POP1: variants seen among roughly 807,000 people sequenced by gnomAD.
POP1 encodes the protein ribonucleases P/MRP protein subunit POP1.
In POP1, 75 loss-of-function variants were observed where a neutral mutation model predicts 102.2. That is an observed-to-expected ratio of 0.73 (90% confidence interval 0.61 to 0.89). The LOEUF is 0.89. POP1 is among the 40% of genes least tolerant of loss of function. The probability of loss-of-function intolerance (pLI) is 0.00; values close to 1 mark genes in which losing one functional copy is unlikely to be tolerated. For synonymous variants in POP1, 436 were observed against 464.1 expected, an observed-to-expected ratio of 0.94 and a Z score of 0.78; for missense variants, 1,116 against 1,267.4, an observed-to-expected ratio of 0.88 and a Z score of 1.81.
At position 98,130,256 on chromosome 8, in the gene POP1, A is replaced by G. The variant is rs377151487; in HGVS notation, c.735+30A>G. 2.7e-4 allele frequency: 441 copies of G among 1,613,434 alleles called. 1 individual carries two copies. The highest frequency in any genetic ancestry group is 2.8e-4 in the Admixed American group (17 of 59,960). On this transcript the variant is annotated intron_variant, in intron 5 of 15. Coordinates refer to ENST00000401707, the MANE Select transcript of POP1 (RefSeq NM_001145860.2). ...GCTTTTCCAGTGGGCTTTTTTTGTT[A>G]TTTTTGTTTGATCCTTTTCCATAGA...
chr8:98,133,574 G>C (rs73701265), intron 5 of POP1, among the ~76,000 whole-genome samples: 11,068 of 152,194 alleles, frequency 0.073, 620 homozygotes, highest in Middle Eastern at 0.16. Flanking sequence ...GTAGACTTTG[G>C]GGGTGAATGG....
chr8:98,117,943 C>G (rs760470855), intron 1 of POP1: 14 of 152,086 alleles, frequency 9.2e-5, no homozygotes, highest in Non-Finnish European at 1.8e-4. Flanking sequence ...ATTGTAAGTA[C>G]GCTTCGTTTC....
Position 98,157,944 on chromosome 8 carries a change from A to C in POP1, c.2748A>C (p.Lys916Asn). 6.2e-7 allele frequency: 1 copy of C among 1,613,940 alleles called. No homozygotes were observed. Among genetic ancestry groups the C allele is most frequent in the Non-Finnish European group, 8.5e-7 (1 of 1,180,038 alleles). The change falls in exon 16 of 16, where the codon AAA (lysine) becomes AAC (asparagine). Residue 916 changes from lysine to asparagine, a missense_variant. Transcript: ENST00000401707. ...SKILKQKEKK[K>N]REKRQKPGRA... Reference sequence around the variant, plus strand: ...TCCTGAAACAGAAAGAGAAGAAGAAAAGGGAGAAGAGGCAGAAGCCAGGAC... The same window carrying C: ...TCCTGAAACAGAAAGAGAAGAAGAACAGGGAGAAGAGGCAGAAGCCAGGAC...
At chr8:98,139,589 T>C in intron 9 of POP1, among the ~76,000 whole-genome samples, 1 of 152,136 alleles carries the variant, frequency 6.6e-6, no homozygotes, top group East Asian at 1.9e-4. Context: ...TAGCTGGGCA[T>C]GGTGGCATGT....
In POP1 at chr8:98,157,810, C is replaced by T; in HGVS notation, c.2614C>T (p.His872Tyr). Residue 872 changes from histidine (H) to tyrosine (Y), a missense_variant, in exon 16 of 16, where the codon CAC (histidine) becomes TAC (tyrosine). Transcript: ENST00000401707. ...GCTCAGCAAGGGCAGCCCCGAGCCT[C>T]ACACCATGATCTGTGTCCCAGCCAA... is the stretch of plus-strand genomic sequence containing the variant. ...SLLSKGSPEP[H>Y]TMICVPAKED... 6.2e-7 allele frequency: 1 copy of T among 1,614,220 alleles called. No individual in the cohort carries two copies. Among genetic ancestry groups the T allele is most frequent in the South Asian group, 1.1e-5 (1 of 91,090 alleles).
Position 98,124,520 on chromosome 8 carries a change from C to T in POP1, c.142+1041C>T, listed in dbSNP as rs574495964. Among the ~76,000 whole-genome samples, 9 of 151,718 alleles carry T rather than the reference C, an allele frequency of 5.9e-5. No individual in the cohort carries two copies. The East Asian group carries it at 1.7e-3, about 29-fold the overall frequency. ...AGGTTGCAGTGAGCCAAGATCGTGC[C>T]ACTGCACTCCAGCCTGGGTGACAGT... On this transcript the variant is annotated intron_variant, in intron 2 of 15. Coordinates refer to ENST00000401707, the MANE Select transcript of POP1 (RefSeq NM_001145860.2).
chr8:98,158,117 T>C lies in POP1; in HGVS notation c.2921T>C (p.Met974Thr), dbSNP rs781323713. ...TTTGTGACTCAGGGAGATTTTTCCA[T>C]GGCTGTTGGCTGTGGAGAAGCCCTG... ...LGFVTQGDFS[M>T]AVGCGEALGF... The change falls in exon 16 of 16, where the codon ATG (methionine) becomes ACG (threonine). Residue 974 changes from methionine to threonine, a missense_variant. Transcript: ENST00000401707. The C allele has an allele frequency of 3.7e-6, 6 of 1,605,248 alleles. No homozygotes were observed. The highest frequency in any genetic ancestry group is 5.1e-6 in the Non-Finnish European group (6 of 1,176,222).
intron 15 of POP1, among the ~76,000 whole-genome samples, chr8:98,157,076 C>A (rs1176948776): frequency 2.0e-5 from 3 of 150,758 alleles, no homozygotes; most frequent in Non-Finnish European, 4.4e-5. Context: ...TAATTTTCAC[C>A]ATGTTGGCCA....
At chr8:98,126,230 A>G (rs1445283786) in intron 2 of POP1, among the ~76,000 whole-genome samples, 1 of 152,160 alleles carries the variant, frequency 6.6e-6, no homozygotes, top group African/African-American at 2.4e-5. Flanking sequence ...AAGACTGTAC[A>G]CAATCATGTG....
chr8:98,144,168 C>T (rs1424802583), intron 11 of POP1, among the ~76,000 whole-genome samples: 9 of 151,884 alleles, frequency 5.9e-5, no homozygotes, highest in Non-Finnish European at 1.3e-4. Context: ...AAAAAAAAAC[C>T]CAAAAATTTC....
chr8:98,148,695 CG>C (rs1809429219), intron 12 of POP1, 119 bp from the exon 13 acceptor site: 1 of 853,536 alleles, frequency 1.2e-6, no homozygotes, highest in African/African-American at 1.7e-5. Flanking sequence ...TTATTTAGAA[CG>C]TTTTTCTCTT....
At position 98,156,331 on chromosome 8, in the gene POP1, C is replaced by T. The variant is rs149744031; in HGVS notation, c.2339C>T (p.Ser780Leu). ...GTAATGGATGCAGGGTGTCAAGAAT[C>T]GGCAGGGCCTGAGAGGATCACAGAC... ...EEVMDAGCQE[S>L]AGPERITDQE... The change falls in exon 15 of 16, where the codon TCG becomes TTG. Residue 780 changes from serine to leucine, a missense_variant. Coordinates refer to ENST00000401707, the MANE Select transcript of POP1 (RefSeq NM_001145860.2). 6.9e-5 allele frequency: 112 copies of T among 1,613,934 alleles called. No individual in the cohort carries two copies. The highest frequency in any genetic ancestry group is 6.8e-4 in the African/African-American group (51 of 74,908).
At chr8:98,152,223 C>G (rs1490235656) in intron 14 of POP1, among the ~76,000 whole-genome samples, 1 of 152,122 alleles carries the variant, frequency 6.6e-6, no homozygotes, top group Admixed American at 6.5e-5. Context: ...ATACTTATTT[C>G]TTACTCTTCA....
intron 1 of POP1, among the ~76,000 whole-genome samples, chr8:98,118,225 C>T (rs1815903262): frequency 6.6e-6 from 1 of 152,132 alleles, no homozygotes; most frequent in Non-Finnish European, 1.5e-5. Context: ...AGTCTGGCCT[C>T]CCCTTGCCTA....
At chr8:98,140,011 C>A in intron 9 of POP1, 67 bp from the exon 10 acceptor site, 1 of 1,274,900 alleles carries the variant, frequency 7.8e-7, no homozygotes, top group Non-Finnish European at 1.1e-6. Flanking sequence ...GCTGATATCA[C>A]AACCATGACA....
At chr8:98,154,285 C>T (rs1168424888) in intron 14 of POP1, among the ~76,000 whole-genome samples, 3 of 152,188 alleles carry the variant, frequency 2.0e-5, no homozygotes, top group Admixed American at 1.3e-4. Flanking sequence ...GTTGGCTGCG[C>T]CCAGGTCAGC....
intron 14 of POP1, 27 bp downstream of exon 14, chr8:98,150,666 T>G (rs777822848): frequency 6.2e-7 from 1 of 1,609,254 alleles, no homozygotes; most frequent in Non-Finnish European, 8.5e-7. Context: ...TCTAATTTGA[T>G]AATGTATTAA....
In POP1 at chr8:98,133,939, C is replaced by T; in HGVS notation, c.736-10C>T. The T allele has an allele frequency of 2.5e-6, 4 of 1,606,654 alleles. No individual in the cohort carries two copies. Among genetic ancestry groups the T allele is most frequent in the African/African-American group, 1.3e-5 (1 of 74,856 alleles). ...CCTAAGTACTTAATTGTGTCTCCCG[C>T]TTTGTGCAGGATTTATCCTATTACT... On this transcript the variant is annotated splice_polypyrimidine_tract_variant and intron_variant, in intron 5 of 15. Transcript: ENST00000401707.
intron 1 of POP1, among the ~76,000 whole-genome samples, chr8:98,121,556 C>T (rs1210837464): frequency 1.4e-5 from 2 of 145,496 alleles, no homozygotes; most frequent in African/African-American, 5.3e-5. Context: ...GCTCTATTGC[C>T]CAACTTGGAG....
Sources: gnomAD v4.1 joint callset for allele counts (sites outside exome capture counted in the v4.1 genomes callset) on GRCh38, gnomAD v4.1.1 for gene constraint, MANE v1.5 for transcripts, NCBI Gene and HGNC (gene_info 2026-07-23, HGNC 2026-07-21) for gene names.